Variants in ARSB observed in about 807,000 individuals in gnomAD.
The protein encoded by ARSB is N-acetylgalactosamine-4-sulfatase.
In ARSB, 41 loss-of-function variants were observed where a neutral mutation model predicts 50.9. The observed-to-expected ratio is 0.81, with a 90% CI of 0.63 to 1.04. The LOEUF (loss-of-function observed/expected upper bound fraction) is 1.04, where lower values mean the gene tolerates loss of function less well. Ranked by LOEUF, ARSB falls within the 50% of genes least tolerant of loss-of-function variation. The probability of loss-of-function intolerance (pLI) is 0.00; values close to 1 mark genes in which losing one functional copy is unlikely to be tolerated. For synonymous variants in ARSB, 269 were observed against 284.8 expected (o/e 0.94, Z 0.56); for missense variants, 672 against 693.3 (o/e 0.97, Z 0.35).
intron 1 of ARSB, among the ~76,000 whole-genome samples, chr5:78,982,713 A>T (rs1253721127): frequency 6.6e-6 from 1 of 152,246 alleles, no homozygotes; most frequent in East Asian, 1.9e-4. Flanking sequence ...AGCATATAGT[A>T]TCTGACGGAG....
chr5:78,931,811 G>C (rs1262309796), intron 4 of ARSB, among the ~76,000 whole-genome samples: 1 of 151,996 alleles, frequency 6.6e-6, no homozygotes, highest in African/African-American at 2.4e-5. Context: ...GGACCTGGTG[G>C]GAGGTGACTG....
Position 78,914,750 on chromosome 5 carries a change from A to G in ARSB, c.899-28923T>C, listed in dbSNP as rs557269512. 6.4e-4 allele frequency among the ~76,000 whole-genome samples: 98 copies of G among 152,224 alleles called. 1 individual carries two copies. In the South Asian group the frequency reaches 0.014, roughly 21 times the overall value. On this transcript the variant is annotated intron_variant, in intron 4 of 7. Transcript: ENST00000264914. ...GGCGTGCATGATCTCAGCTCACTAC[A>G]ATCTCCGCCAGGTTCAAGCGATTCT... is the stretch of plus-strand genomic sequence containing the variant.
At chr5:78,884,591 A>G (rs1747918702) in intron 5 of ARSB, 1 of 152,192 alleles carries the variant, frequency 6.6e-6, no homozygotes, top group Non-Finnish European at 1.5e-5. Flanking sequence ...CTAACCCCAA[A>G]CAGAGCTGTA....
chr5:78,945,594 TA>T (rs1751188658), intron 4 of ARSB, among the ~76,000 whole-genome samples: 1 of 152,162 alleles, frequency 6.6e-6, no homozygotes, highest in African/African-American at 2.4e-5. Flanking sequence ...TGATCCTGCT[TA>T]AAACTTTTAA....
chr5:78,906,800 G>A (rs748897774), intron 4 of ARSB, among the ~76,000 whole-genome samples: 2 of 152,190 alleles, frequency 1.3e-5, no homozygotes, highest in African/African-American at 4.8e-5. Context: ...TGGTGAGCAC[G>A]GGAAGGTGGT....
chr5:78,819,430 C>T (rs950850128), intron 6 of ARSB, among the ~76,000 whole-genome samples: 5 of 152,124 alleles, frequency 3.3e-5, no homozygotes, highest in Admixed American at 6.5e-5. Context: ...AAGTCTTTTT[C>T]GTGACTTATT....
chr5:78,842,727 A>C (rs1239232670), intron 5 of ARSB, among the ~76,000 whole-genome samples: 3 of 151,848 alleles, frequency 2.0e-5, no homozygotes, highest in African/African-American at 7.3e-5. Context: ...TGGATTTAGA[A>C]GGAAAATGCC....
intron 6 of ARSB, among the ~76,000 whole-genome samples, chr5:78,787,122 CTATCTATCTATCTATA>C (rs998667512): frequency 2.0e-5 from 3 of 150,792 alleles, no homozygotes; most frequent in African/African-American, 4.9e-5. Context: ...ATCTATCTAT[CTATCTATCTATCTATA>C]TAGATACAGG....
intron 6 of ARSB, among the ~76,000 whole-genome samples, chr5:78,782,891 C>T (rs1401088520): frequency 6.6e-6 from 1 of 152,086 alleles, no homozygotes; most frequent in East Asian, 1.9e-4. Flanking sequence ...TTACATATAT[C>T]CAGGTGACAG....
chr5:78,807,832 G>A (rs1347724208), intron 6 of ARSB, among the ~76,000 whole-genome samples: 1 of 152,044 alleles, frequency 6.6e-6, no homozygotes, highest in Non-Finnish European at 1.5e-5. Flanking sequence ...GGTGGCTCAC[G>A]CCTGTAATCC....
At chr5:78,928,131 T>C (rs1750134451) in intron 4 of ARSB, among the ~76,000 whole-genome samples, 2 of 152,012 alleles carry the variant, frequency 1.3e-5, no homozygotes, top group South Asian at 4.2e-4. Flanking sequence ...AGGATGAGTA[T>C]GATGGGTCCA....
chr5:78,912,296 C>A (rs1204474964), intron 4 of ARSB, among the ~76,000 whole-genome samples: 5 of 152,204 alleles, frequency 3.3e-5, no homozygotes, highest in African/African-American at 1.2e-4. Flanking sequence ...TCTTCTCCAG[C>A]AAGCTGTTTC....
chr5:78,976,504 T>C (rs1236239030), intron 1 of ARSB, among the ~76,000 whole-genome samples: 1 of 152,042 alleles, frequency 6.6e-6, no homozygotes, highest in East Asian at 1.9e-4. Flanking sequence ...TTTATAGAGA[T>C]GGAATTTCAC....
intron 4 of ARSB, among the ~76,000 whole-genome samples, chr5:78,948,345 C>T (rs1014549644): frequency 6.6e-6 from 1 of 152,052 alleles, no homozygotes; most frequent in Non-Finnish European, 1.5e-5. Flanking sequence ...GCATAGATAT[C>T]CCCATTACCC....
chr5:78,976,406 AC>A (rs147369159), intron 1 of ARSB, among the ~76,000 whole-genome samples: 4,909 of 144,220 alleles, frequency 0.034, 268 homozygotes, highest in East Asian at 0.19. Flanking sequence ...CCCGCCATCT[AC>A]CCCCCTGCCC....
At position 78,957,415 on chromosome 5, in the gene ARSB, T is replaced by C. The variant is rs1315862830; in HGVS notation, c.691-1913A>G. Among the ~76,000 whole-genome samples, 6 of 152,338 alleles carry C rather than the reference T, an allele frequency of 3.9e-5. 1 individual carries two copies. The East Asian group carries it at 1.2e-3, about 29-fold the overall frequency. ...ATAGACCCCCCAAAAGTTTATTTAT[T>C]GTTCAGGTCTTTGGAACTCAGAAAT... On this transcript the variant is annotated intron_variant, in intron 3 of 7. Coordinates refer to ENST00000264914, the MANE Select transcript of ARSB (RefSeq NM_000046.5).
Position 78,835,328 on chromosome 5 carries a change from G to A in ARSB, c.1213+4028C>T, listed in dbSNP as rs370153896. Among the ~76,000 whole-genome samples the A allele has an allele frequency of 2.6e-5, 4 of 152,114 alleles. No homozygotes were observed. The East Asian group carries it at 5.8e-4, about 22-fold the overall frequency. On this transcript the variant is annotated intron_variant, in intron 6 of 7. Coordinates refer to ENST00000264914, the MANE Select transcript of ARSB (RefSeq NM_000046.5). Reference sequence around the variant, plus strand: ...TGGGGTGTGTGTTGGCAGGGAGCGGGGGAGGTGTAGCTGCTGAAATCCAAG... The same window carrying A: ...TGGGGTGTGTGTTGGCAGGGAGCGGAGGAGGTGTAGCTGCTGAAATCCAAG...
At chr5:78,919,992 A>G (rs559377458) in intron 4 of ARSB, among the ~76,000 whole-genome samples, 8 of 151,964 alleles carry the variant, frequency 5.3e-5, no homozygotes, top group Non-Finnish European at 1.2e-4. Flanking sequence ...AAGTGCCCAG[A>G]CTCCTGTTTG....
intron 6 of ARSB, among the ~76,000 whole-genome samples, chr5:78,802,228 A>G (rs1055908988): frequency 1.4e-4 from 21 of 152,062 alleles, no homozygotes; most frequent in African/African-American, 4.6e-4. Context: ...TGACCTCCCA[A>G]ATTAAATCAG....
Sources: gnomAD v4.1 joint callset for allele counts (sites outside exome capture counted in the v4.1 genomes callset) on GRCh38, gnomAD v4.1.1 for gene constraint, MANE v1.5 for transcripts, NCBI Gene and HGNC (gene_info 2026-07-23, HGNC 2026-07-21) for gene names.